Variants in CSMD1 observed in about 807,000 individuals in gnomAD.
CSMD1 encodes CUB and sushi domain-containing protein 1.
In CSMD1, 213 loss-of-function variants were observed where a neutral mutation model predicts 417.5. That is an observed-to-expected ratio of 0.51 (90% confidence interval 0.46 to 0.57). The LOEUF (loss-of-function observed/expected upper bound fraction) is 0.57. CSMD1 is among the 20% of genes least tolerant of loss of function. The pLI is 0.00. For missense variants in CSMD1, 6,923 were observed against 4,529.7 expected, an observed-to-expected ratio of 1.53 and a Z score of -15.17; for synonymous variants, 2,862 against 1,736.8, an observed-to-expected ratio of 1.65 and a Z score of -16.11.
chr8:3,942,790 A>T (rs1023012314), intron 5 of CSMD1, among the ~76,000 whole-genome samples: 1 of 152,190 alleles, frequency 6.6e-6, no homozygotes, highest in South Asian at 2.1e-4. Flanking sequence ...AGTTACTGGG[A>T]TAAGAAAAAT....
At chr8:4,550,110 G>T (rs1444590116) in intron 2 of CSMD1, among the ~76,000 whole-genome samples, 4 of 151,792 alleles carry the variant, frequency 2.6e-5, no homozygotes, top group East Asian at 2.0e-4. Context: ...GGTAGAAACG[G>T]ACTTTTCCCC....
chr8:3,834,966 A>G (rs1230044686), intron 5 of CSMD1, among the ~76,000 whole-genome samples: 4 of 152,174 alleles, frequency 2.6e-5, no homozygotes, highest in Non-Finnish European at 4.4e-5. Flanking sequence ...CACATGAAAA[A>G]ATGCTCATCA....
intron 3 of CSMD1, among the ~76,000 whole-genome samples, chr8:4,374,961 T>TC (rs1554450667): frequency 5.3e-5 from 1 of 18,880 alleles, no homozygotes; most frequent in Non-Finnish European, 8.9e-5. Flanking sequence ...AAAGGTGGGG[T>TC]GGGGGGGGGG....
chr8:4,264,319 C>G (rs893013627), intron 3 of CSMD1, among the ~76,000 whole-genome samples: 3 of 152,136 alleles, frequency 2.0e-5, no homozygotes, highest in Non-Finnish European at 4.4e-5. Context: ...GCATGACATT[C>G]AATTTTCAGG....
intron 1 of CSMD1, among the ~76,000 whole-genome samples, chr8:4,867,997 T>A (rs1350546892): frequency 1.3e-5 from 2 of 152,034 alleles, no homozygotes; most frequent in Non-Finnish European, 2.9e-5. Flanking sequence ...TAAATTCAGT[T>A]CACAAAACTG....
At chr8:3,124,030 G>C (rs890030900) in intron 41 of CSMD1, among the ~76,000 whole-genome samples, 2 of 152,128 alleles carry the variant, frequency 1.3e-5, no homozygotes, top group Admixed American at 1.3e-4. Flanking sequence ...ATTTGAAGTT[G>C]TAATTAAAGA....
intron 1 of CSMD1, among the ~76,000 whole-genome samples, chr8:4,671,477 C>T (rs1458221172): frequency 6.6e-6 from 1 of 152,114 alleles, no homozygotes; most frequent in Non-Finnish European, 1.5e-5. Flanking sequence ...GACAGAAAAG[C>T]CACTGTTCTG....
intron 5 of CSMD1, among the ~76,000 whole-genome samples, chr8:3,949,211 C>T (rs1168410415): frequency 6.6e-6 from 1 of 152,100 alleles, no homozygotes; most frequent in African/African-American, 2.4e-5. Context: ...TAGTGACAAC[C>T]CTTAAAATCT....
intron 1 of CSMD1, among the ~76,000 whole-genome samples, chr8:4,968,984 T>C (rs1480580230): frequency 5.9e-5 from 9 of 152,172 alleles, no homozygotes; most frequent in Admixed American, 3.3e-4. Context: ...CTTTTGCACA[T>C]AGGTTTTTAT....
intron 3 of CSMD1, among the ~76,000 whole-genome samples, chr8:4,128,895 G>A (rs557400828): frequency 4.0e-5 from 6 of 151,854 alleles, no homozygotes; most frequent in African/African-American, 7.2e-5. Flanking sequence ...TTTCTGTCTC[G>A]TACAACTCAT....
chr8:4,970,112 T>C (rs1810146533), intron 1 of CSMD1, among the ~76,000 whole-genome samples: 1 of 151,834 alleles, frequency 6.6e-6, no homozygotes, highest in Non-Finnish European at 1.5e-5. Context: ...AAAGTAATTG[T>C]ATGTAAAAAT....
At chr8:4,214,013 C>T (rs979319735) in intron 3 of CSMD1, among the ~76,000 whole-genome samples, 12 of 152,080 alleles carry the variant, frequency 7.9e-5, no homozygotes, top group South Asian at 2.1e-4. Flanking sequence ...AAAGTTCTGA[C>T]GATGTAAGTA....
chr8:4,582,765 G>T (rs1275484401), intron 2 of CSMD1, among the ~76,000 whole-genome samples: 1 of 152,224 alleles, frequency 6.6e-6, no homozygotes, highest in Admixed American at 6.5e-5. Context: ...TGCACTGTGG[G>T]AGCCCTTTTC....
At chr8:3,756,659 T>C (rs980454996) in intron 5 of CSMD1, among the ~76,000 whole-genome samples, 1 of 152,192 alleles carries the variant, frequency 6.6e-6, no homozygotes, top group African/African-American at 2.4e-5. Flanking sequence ...ATACAAAAGA[T>C]CAGCGAATGT....
At chr8:4,433,650 G>A (rs143879140) in intron 2 of CSMD1, among the ~76,000 whole-genome samples, 1 of 152,222 alleles carries the variant, frequency 6.6e-6, no homozygotes, top group East Asian at 1.9e-4. Flanking sequence ...ATCTGCCCTT[G>A]TCTGAAAGAG....
chr8:4,524,798 C>T (rs367809835), intron 2 of CSMD1, among the ~76,000 whole-genome samples: 76 of 152,080 alleles, frequency 5.0e-4, no homozygotes, highest in African/African-American at 1.7e-3. Flanking sequence ...CAGTAAATTA[C>T]GGTGAGTCAA....
At chr8:3,788,077 T>A (rs963084822) in intron 5 of CSMD1, among the ~76,000 whole-genome samples, 1 of 152,132 alleles carries the variant, frequency 6.6e-6, no homozygotes, top group Non-Finnish European at 1.5e-5. Context: ...ATCCAGTGAG[T>A]GTTCTTTGGG....
rs149263892 is a variant in CSMD1 at position 3,803,298 on chromosome 8, G to A, written c.819-49256C>T. On this transcript the variant is annotated intron_variant, in intron 5 of 69. Coordinates refer to ENST00000635120, the MANE Select transcript of CSMD1 (RefSeq NM_033225.6). ...ATTGCATAAAGTTGACGGTTTAGCA[G>A]CAGCTGGGTAGGGAGATACTGCTAT... 1.7e-3 allele frequency among the ~76,000 whole-genome samples: 260 copies of A among 152,316 alleles called. 1 individual carries two copies. The highest frequency in any genetic ancestry group is 3.1e-3 in the Non-Finnish European group (208 of 68,024).
intron 3 of CSMD1, among the ~76,000 whole-genome samples, chr8:4,250,263 C>T (rs1029581670): frequency 9.9e-5 from 15 of 152,120 alleles, no homozygotes; most frequent in African/African-American, 3.4e-4. Flanking sequence ...GAACAAAAAG[C>T]CTCTCTAGTG....
Sources: allele counts gnomAD v4.1 joint callset (sites outside exome capture counted in the v4.1 genomes callset), GRCh38; gene constraint gnomAD v4.1.1; transcripts MANE v1.5; gene names NCBI Gene and HGNC (gene_info 2026-07-23, HGNC 2026-07-21).